The following THAP4 variants were observed in gnomAD, a reference collection of about 807,000 sequenced individuals.
THAP4 encodes peroxynitrite isomerase THAP4.
Under a neutral mutation model 48.1 loss-of-function variants are expected in THAP4, and 18 were observed. That is an observed-to-expected ratio of 0.37 (90% CI 0.26 to 0.56). The LOEUF (loss-of-function observed/expected upper bound fraction) is 0.56, where lower values mean the gene tolerates loss of function less well. Ranked by LOEUF, THAP4 falls within the 20% of genes least tolerant of loss-of-function variation. The pLI is 0.78. For synonymous variants in THAP4, 345 were observed against 324.9 expected (o/e 1.06, Z -0.66); for missense variants, 656 against 774.9 (o/e 0.85, Z 1.82).
upstream of THAP4, chr2:241,637,331 C>A (rs1381462039): frequency 2.4e-6 from 3 of 1,264,506 alleles, no homozygotes; most frequent in East Asian, 1.3e-4. Context: ...AAGTCCGTAC[C>A]GCGACATGGG....
rs2125100387 is a variant in THAP4, at chr2:241,633,421, G to A, written c.736C>T (p.Arg246Ter). Residue 246 changes from arginine to a stop codon, truncating the protein, a stop_gained, in exon 2 of 6, where the codon CGA becomes TGA. Coordinates refer to ENST00000407315, the MANE Select transcript of THAP4 (RefSeq NM_015963.6). LOFTEE classifies it high-confidence loss of function. This position sits in a 1 kb window ranked among gnomAD's most constrained non-coding sequence, Gnocchi z 7.5. ...HSYSFSSKHT[R>*]ERPSVPREPI... ...TCTCGGGGGACAGATGGCCTTTCTC[G>A]GGTGTGCTTAGAGGAGAAACTGTAC... The A allele has an allele frequency of 1.2e-6, 2 of 1,613,808 alleles. No homozygotes were observed. Among genetic ancestry groups the A allele is most frequent in the Non-Finnish European group, 1.7e-6 (2 of 1,180,000 alleles).
In THAP4 at chr2:241,632,610, A is replaced by G. The variant is rs539321593; in HGVS notation, c.1240+307T>C. ...TTCTGTTGCATAAGGTATGAAACAGAAGCTATCTTTCCCTGTGCACTCTCC... is the reference window on the plus strand; with the variant it reads ...TTCTGTTGCATAAGGTATGAAACAGGAGCTATCTTTCCCTGTGCACTCTCC... On this transcript the variant is annotated intron_variant, in intron 2 of 5. Transcript: ENST00000407315. 3.5e-4 allele frequency among the ~76,000 whole-genome samples: 54 copies of G among 152,298 alleles called. No individual in the cohort carries two copies. In the South Asian group the frequency reaches 5.2e-3, roughly 15 times the overall value.
At chr2:241,598,498 A>T (rs1323465636) in intron 5 of THAP4, among the ~76,000 whole-genome samples, 1 of 152,152 alleles carries the variant, frequency 6.6e-6, no homozygotes, top group African/African-American at 2.4e-5. Context: ...TGGCCCCAGG[A>T]ACTGGTTTCA....
Position 241,633,108 on chromosome 2 carries a change from A to C in THAP4, c.1049T>G (p.Phe350Cys). 1.2e-6 allele frequency: 2 copies of C among 1,613,622 alleles called. No individual in the cohort carries two copies. The highest frequency in any genetic ancestry group is 8.5e-7 in the Non-Finnish European group (1 of 1,179,868). Reference sequence around the variant, plus strand: ...CTGGCTCTTGTTCTGCCGGGAGGAGAAGCAGTAGGAGTGCAGTGAGTCGAT... The same window carrying C: ...CTGGCTCTTGTTCTGCCGGGAGGAGCAGCAGTAGGAGTGCAGTGAGTCGAT... ...KLIDSLHSYC[F>C]SSRQNKSQVC... is the part of the protein sequence containing the mutation. Residue 350 changes from phenylalanine (F) to cysteine (C), a missense_variant, in exon 2 of 6, where the codon TTC becomes TGC. Coordinates refer to ENST00000407315, the MANE Select transcript of THAP4 (RefSeq NM_015963.6). The surrounding 1 kb of genome is among the most constrained non-coding windows in gnomAD (Gnocchi z 7.5).
intron 5 of THAP4, among the ~76,000 whole-genome samples, chr2:241,595,093 A>C (rs1575019569): frequency 6.6e-6 from 1 of 151,884 alleles, no homozygotes; most frequent in South Asian, 2.1e-4. Context: ...GCTCATTGCA[A>C]CCTCTGCCTC....
intron 2 of THAP4, among the ~76,000 whole-genome samples, chr2:241,609,251 C>T (rs1311926637): frequency 1.3e-5 from 2 of 151,988 alleles, no homozygotes; most frequent in African/African-American, 4.8e-5. Flanking sequence ...ATGTGAAACA[C>T]GTAAGAAAAG....
At chr2:241,620,826 C>T (rs13403998) in intron 2 of THAP4, among the ~76,000 whole-genome samples, 53,844 of 151,940 alleles carry the variant, frequency 0.35, 10,125 homozygotes, top group East Asian at 0.62. Context: ...ACAGGACTCT[C>T]TCAGCTCCAT....
chr2:241,607,605 G>A (rs570677771), intron 2 of THAP4, among the ~76,000 whole-genome samples: 7 of 151,304 alleles, frequency 4.6e-5, no homozygotes, highest in African/African-American at 1.7e-4. Context: ...GGCCGCACAA[G>A]CCTCATCTAC....
chr2:241,601,842 A>C lies in THAP4; in HGVS notation c.1614+54T>G. 6.2e-7 allele frequency: 1 copy of C among 1,607,238 alleles called. No individual in the cohort carries two copies. The highest frequency in any genetic ancestry group is 8.5e-7 in the Non-Finnish European group (1 of 1,177,186). ...CACGGAAGAGGAAGAGGCTGACTCC[A>C]CAGACCGCTGCAAACAGAAGACAGG... is the stretch of plus-strand genomic sequence containing the variant. On this transcript the variant is annotated intron_variant, in intron 5 of 5. Transcript: ENST00000407315. This position sits in a 1 kb window ranked among gnomAD's most constrained non-coding sequence, Gnocchi z 4.0.
chr2:241,586,201 G>A (rs1377037554), intron 5 of THAP4, among the ~76,000 whole-genome samples: 1 of 147,438 alleles, frequency 6.8e-6, no homozygotes, highest in African/African-American at 2.5e-5. Context: ...AGCTTGCAGT[G>A]AGCCAAGATC....
intron 2 of THAP4, among the ~76,000 whole-genome samples, chr2:241,613,035 G>A (rs1051817530): frequency 7.9e-5 from 12 of 152,092 alleles, no homozygotes; most frequent in African/African-American, 2.7e-4. Flanking sequence ...TATTAAAATC[G>A]ATTTCACTTG....
In THAP4 at chr2:241,616,882, G is replaced by A. The variant is rs576881623; in HGVS notation, c.1241-10409C>T. Among the ~76,000 whole-genome samples, 60 of 152,262 alleles carry A rather than the reference G, an allele frequency of 3.9e-4. No homozygotes were observed. Among genetic ancestry groups the A allele is most frequent in the East Asian group, 2.5e-3 (13 of 5,166 alleles). On this transcript the variant is annotated intron_variant, in intron 2 of 5. Transcript: ENST00000407315. The surrounding 1 kb of genome is among the most constrained non-coding windows in gnomAD (Gnocchi z 4.6). ...GAGTTTAATTTGGACAGGGACAACAGGTCAGGCAGTAAACAAGCAGCGGCG... is the reference window on the plus strand; with the variant it reads ...GAGTTTAATTTGGACAGGGACAACAAGTCAGGCAGTAAACAAGCAGCGGCG...
Position 241,601,468 on chromosome 2 carries a change from G to C in THAP4, c.1614+428C>G, listed in dbSNP as rs967147704. On this transcript the variant is annotated intron_variant, in intron 5 of 5. Transcript: ENST00000407315. This position sits in a 1 kb window ranked among gnomAD's most constrained non-coding sequence, Gnocchi z 4.0. ...CGAAATTCTGAAAATACACCATGTT[G>C]TTAAGGAGTAGGGAACCAGCTGCCC... is the stretch of plus-strand genomic sequence containing the variant. 1.7e-4 allele frequency among the ~76,000 whole-genome samples: 26 copies of C among 152,150 alleles called. No homozygotes were observed. Among genetic ancestry groups the C allele is most frequent in the African/African-American group, 6.0e-4 (25 of 41,432 alleles).
chr2:241,633,385 G>A lies in THAP4; in HGVS notation c.772C>T (p.Arg258Cys), dbSNP rs1395866062. 4.3e-6 allele frequency: 7 copies of A among 1,613,306 alleles called. No homozygotes were observed. The highest frequency in any genetic ancestry group is 2.2e-5 in the East Asian group (1 of 44,874). ...RPSVPREPIDRKRLKKDVEPS... is the reference protein window; with the variant it reads ...RPSVPREPIDCKRLKKDVEPS... ...TCCACATCTTTCTTCAGCCTCTTGC[G>A]GTCAATGGGCTCTCGGGGGACAGAT... The change falls in exon 2 of 6, where the codon CGC (arginine) becomes TGC (cysteine). Residue 258 changes from arginine (R) to cysteine (C), a missense_variant. By Grantham distance (180) the Arg-to-Cys change is radical. This residue lies in a region of THAP4 where 391 missense variants were observed against 412.4 expected (regional missense o/e 0.95). Coordinates refer to ENST00000407315, the MANE Select transcript of THAP4 (RefSeq NM_015963.6). This position sits in a 1 kb window ranked among gnomAD's most constrained non-coding sequence, Gnocchi z 7.5.
At chr2:241,596,937 T>C (rs1038302584) in intron 5 of THAP4, among the ~76,000 whole-genome samples, 5 of 152,214 alleles carry the variant, frequency 3.3e-5, no homozygotes, top group Non-Finnish European at 5.9e-5. Context: ...AGGACATGAC[T>C]GTACACTACC....
chr2:241,594,818 C>T (rs6712653), intron 5 of THAP4: 29,750 of 174,376 alleles, frequency 0.17, 2,818 homozygotes, highest in East Asian at 0.34. Flanking sequence ...GGTGCGCATT[C>T]GCAGTCCCAG....
At chr2:241,607,029 A>AG (rs1020116906) in intron 2 of THAP4, among the ~76,000 whole-genome samples, 24 of 152,104 alleles carry the variant, frequency 1.6e-4, no homozygotes, top group African/African-American at 5.6e-4. Flanking sequence ...CCAGAGTGTG[A>AG]GGGCCCAGGG....
rs150499293 is a variant in THAP4, at chr2:241,612,920, C to T, written c.1241-6447G>A. 1.1e-3 allele frequency among the ~76,000 whole-genome samples: 170 copies of T among 152,284 alleles called. No individual in the cohort carries two copies. The highest frequency in any genetic ancestry group is 3.8e-3 in the African/African-American group (160 of 41,560). On this transcript the variant is annotated intron_variant, in intron 2 of 5. Coordinates refer to ENST00000407315, the MANE Select transcript of THAP4 (RefSeq NM_015963.6). The surrounding 1 kb of genome is among the most constrained non-coding windows in gnomAD (Gnocchi z 4.1). ...TGAGTGCGAGCTACAAACTAGATTC[C>T]GAAAACTCAGTCCAAAAAGTCTTCA...
intron 2 of THAP4, among the ~76,000 whole-genome samples, chr2:241,617,875 G>T (rs1575032753): frequency 1.3e-5 from 2 of 152,182 alleles, no homozygotes; most frequent in East Asian, 3.9e-4. Context: ...ACCTGGACAT[G>T]GAGGCTCCAG....
Sources: gnomAD v4.1 joint callset for allele counts (sites outside exome capture counted in the v4.1 genomes callset) on GRCh38, gnomAD v4.1.1 for gene constraint, gnomAD v4.1.1 regional missense constraint, Gnocchi (gnomAD v3.1) non-coding constraint, MANE v1.5 for transcripts, NCBI Gene and HGNC (gene_info 2026-07-23, HGNC 2026-07-21) for gene names.